The following DSCAM variants were observed in gnomAD, a reference collection of about 807,000 sequenced individuals.
DSCAM encodes the protein cell adhesion molecule DSCAM.
A neutral mutation model predicts 217.7 loss-of-function variants in DSCAM; 47 were observed. The observed-to-expected ratio is 0.22, with a 90% CI of 0.17 to 0.28. The LOEUF (loss-of-function observed/expected upper bound fraction) is 0.28, where lower values mean the gene tolerates loss of function less well. Among genes scored for constraint, DSCAM ranks in the 10% least tolerant of loss-of-function variants. The pLI is 1.00. For missense variants in DSCAM, 2,080 were observed against 2,618.3 expected, an observed-to-expected ratio of 0.79 and a Z score of 4.49; for synonymous variants, 1,056 against 1,015.3, an observed-to-expected ratio of 1.04 and a Z score of -0.76.
At chr21:40,572,121 T>A (rs1337857531) in intron 3 of DSCAM, among the ~76,000 whole-genome samples, 3 of 151,958 alleles carry the variant, frequency 2.0e-5, no homozygotes, top group South Asian at 2.1e-4. Context: ...TGTGTGTTTG[T>A]GTGTACATAT....
chr21:40,499,059 T>G (rs1022944531), intron 3 of DSCAM, among the ~76,000 whole-genome samples: 1 of 151,912 alleles, frequency 6.6e-6, no homozygotes, highest in East Asian at 1.9e-4. Flanking sequence ...TAATAATTCC[T>G]GAAAAAAATT....
chr21:40,376,410 CATATATATCTTATATAGATATCT>C (rs1569092616), intron 3 of DSCAM, among the ~76,000 whole-genome samples: 1 of 143,398 alleles, frequency 7.0e-6, no homozygotes, highest in African/African-American at 2.6e-5. Context: ...ATATCTATAT[CATATATATCTTATATAGATATCT>C]ATATATCTTA....
At chr21:40,190,929 C>G (rs1031908312) in intron 11 of DSCAM, among the ~76,000 whole-genome samples, 2 of 152,174 alleles carry the variant, frequency 1.3e-5, no homozygotes, top group African/African-American at 2.4e-5. Flanking sequence ...GATAAAGGAA[C>G]AAGATGTTAA....
chr21:40,332,139 TGC>T (rs1206411326), intron 8 of DSCAM, among the ~76,000 whole-genome samples: 1 of 152,224 alleles, frequency 6.6e-6, no homozygotes, highest in Non-Finnish European at 1.5e-5. Flanking sequence ...ATTTAACAAA[TGC>T]TATCTCTCTT....
chr21:40,405,630 ACT>A (rs1416955106), intron 3 of DSCAM, among the ~76,000 whole-genome samples: 1 of 152,204 alleles, frequency 6.6e-6, no homozygotes, highest in East Asian at 1.9e-4. Flanking sequence ...TACATAAGAG[ACT>A]CAATACAATA....
At chr21:40,354,675 C>T (rs944295227) in intron 4 of DSCAM, among the ~76,000 whole-genome samples, 1 of 151,900 alleles carries the variant, frequency 6.6e-6, no homozygotes, top group Non-Finnish European at 1.5e-5. Flanking sequence ...CGGTGAAACC[C>T]CGTCTCTACT....
intron 1 of DSCAM, among the ~76,000 whole-genome samples, chr21:40,754,229 T>C (rs1160814397): frequency 6.6e-6 from 1 of 152,210 alleles, no homozygotes; most frequent in Admixed American, 6.5e-5. Flanking sequence ...TGTTCTCCCA[T>C]GCCCAGGACC....
chr21:40,405,400 A>C (rs1383142408), intron 3 of DSCAM, among the ~76,000 whole-genome samples: 1 of 152,206 alleles, frequency 6.6e-6, no homozygotes, highest in Non-Finnish European at 1.5e-5. Flanking sequence ...GATATATGCT[A>C]AAAGTGGTCC....
intron 1 of DSCAM, among the ~76,000 whole-genome samples, chr21:40,814,046 C>A (rs1416212768): frequency 6.6e-6 from 1 of 152,132 alleles, no homozygotes. Context: ...TTCCAGTGGT[C>A]ATCAATGCAG....
intron 3 of DSCAM, among the ~76,000 whole-genome samples, chr21:40,538,974 G>A (rs1184385042): frequency 1.3e-5 from 2 of 152,128 alleles, no homozygotes; most frequent in Admixed American, 6.6e-5. Context: ...AGAGAAAAAC[G>A]TGTCCTTTAG....
At chr21:40,815,382 C>G (rs2091871958) in intron 1 of DSCAM, among the ~76,000 whole-genome samples, 1 of 152,098 alleles carries the variant, frequency 6.6e-6, no homozygotes, top group Admixed American at 6.6e-5. Flanking sequence ...GCAGGCTGCC[C>G]CTCACACAGA....
chr21:40,648,011 G>A (rs2089967742), intron 3 of DSCAM, among the ~76,000 whole-genome samples: 1 of 152,114 alleles, frequency 6.6e-6, no homozygotes, highest in Admixed American at 6.5e-5. Context: ...AATTAACTTG[G>A]TGCATGCAAC....
intron 3 of DSCAM, among the ~76,000 whole-genome samples, chr21:40,466,876 CACTT>C (rs2075849725): frequency 6.6e-6 from 1 of 152,216 alleles, no homozygotes; most frequent in African/African-American, 2.4e-5. Context: ...TTTCCAAAAA[CACTT>C]ACAAGAACTG....
intron 16 of DSCAM, among the ~76,000 whole-genome samples, chr21:40,157,862 T>G (rs2090496495): frequency 6.6e-6 from 1 of 151,930 alleles, no homozygotes; most frequent in African/African-American, 2.4e-5. Flanking sequence ...ACCCAGCTAT[T>G]TTTTTTCTTT....
At chr21:40,353,861 T>G in intron 4 of DSCAM, 118 bp from the exon 5 acceptor site, 1 of 914,228 alleles carries the variant, frequency 1.1e-6, no homozygotes, top group Non-Finnish European at 1.5e-6. Context: ...TTGATACAGA[T>G]CTTTAAGATT....
chr21:40,587,733 C>G (rs1045277850), intron 3 of DSCAM, among the ~76,000 whole-genome samples: 1 of 151,998 alleles, frequency 6.6e-6, no homozygotes, highest in African/African-American at 2.4e-5. Flanking sequence ...GCCAGATATT[C>G]TTTTTTCAAG....
intron 3 of DSCAM, among the ~76,000 whole-genome samples, chr21:40,385,914 T>A (rs1444356004): frequency 1.3e-5 from 2 of 152,238 alleles, no homozygotes; most frequent in Non-Finnish European, 2.9e-5. Flanking sequence ...CAGCTAGGAA[T>A]ACAAGGTATC....
rs2075949424 is a variant in DSCAM, at chr21:40,477,735, TTAATC to T, written c.509-108495_509-108491del. 2.6e-5 allele frequency among the ~76,000 whole-genome samples: 4 copies of T among 152,228 alleles called. No homozygotes were observed. In the South Asian group the frequency reaches 8.3e-4, roughly 31 times the overall value. ...TTAGAATATTATCAAAATGATATAT[TTAATC>T]TAAAATCCAATCATGCATTTTCATT... is the stretch of plus-strand genomic sequence containing the variant. On this transcript the variant is annotated intron_variant, in intron 3 of 32. Transcript: ENST00000400454.
intron 1 of DSCAM, among the ~76,000 whole-genome samples, chr21:40,755,450 T>A (rs563078754): frequency 1.9e-5 from 2 of 105,142 alleles, no homozygotes; most frequent in South Asian, 7.6e-4. Context: ...TGTCCCCACC[T>A]GCTAAAAAAT....
Sources: gnomAD v4.1 joint callset for allele counts (sites outside exome capture counted in the v4.1 genomes callset) on GRCh38, gnomAD v4.1.1 for gene constraint, MANE v1.5 for transcripts, NCBI Gene and HGNC (gene_info 2026-07-23, HGNC 2026-07-21) for gene names.